PPP2R3A: variants seen among roughly 807,000 people sequenced by gnomAD.
PPP2R3A encodes the protein serine/threonine-protein phosphatase 2A regulatory subunit B'' subunit alpha.
Under a neutral mutation model 106.9 loss-of-function variants are expected in PPP2R3A, and 80 were observed. That is an observed-to-expected ratio of 0.75 (90% confidence interval 0.62 to 0.90). The LOEUF is 0.90. PPP2R3A is among the 40% of genes least tolerant of loss of function. The pLI is 0.00. For missense variants in PPP2R3A, 1,386 were observed against 1,350.4 expected (o/e 1.03, Z -0.41); for synonymous variants, 483 against 468.3 (o/e 1.03, Z -0.41).
chr3:136,045,506 T>C (rs1461895043), intron 4 of PPP2R3A, among the ~76,000 whole-genome samples: 1 of 152,194 alleles, frequency 6.6e-6, no homozygotes, highest in Non-Finnish European at 1.5e-5. Context: ...CCTGGCAGTC[T>C]GGAACACCTA....
At chr3:136,076,286 A>G (rs1264958855) in intron 6 of PPP2R3A, among the ~76,000 whole-genome samples, 1 of 150,920 alleles carries the variant, frequency 6.6e-6, no homozygotes, top group Non-Finnish European at 1.5e-5. Flanking sequence ...TCTTCCGCCC[A>G]ATAGCCACTC....
At position 136,147,606 on chromosome 3, in the gene PPP2R3A, T is replaced by C. The variant is rs1400111639; in HGVS notation, c.*2440T>C. The C allele has an allele frequency of 6.6e-6, 1 of 152,562 alleles. No homozygotes were observed. Among genetic ancestry groups the C allele is most frequent in the Non-Finnish European group, 1.5e-5 (1 of 67,952 alleles). The allele number at this position is 152,562 out of a possible 1,614,324, so 9.5% of individuals were successfully genotyped here. A position where few individuals can be genotyped will look rare whatever the true frequency, so the allele number is the denominator to read the frequency against. On this transcript the variant is annotated 3_prime_UTR_variant, in exon 14 of 14. Transcript: ENST00000264977. ...CTGCCAAACTGGAATTTTCAAGTTATTATAATATCCCAGGCCCCTTGATAA... is the reference window on the plus strand; with the variant it reads ...CTGCCAAACTGGAATTTTCAAGTTACTATAATATCCCAGGCCCCTTGATAA...
At chr3:136,068,062 T>TA (rs1158967027) in intron 5 of PPP2R3A, among the ~76,000 whole-genome samples, 2 of 150,712 alleles carry the variant, frequency 1.3e-5, no homozygotes, top group Admixed American at 6.6e-5. Context: ...CCATCTCTAC[T>TA]AAAAAACAAA....
At chr3:136,144,969 G>T in intron 13 of PPP2R3A, 74 bp from the exon 14 acceptor site, 1 of 1,518,900 alleles carries the variant, frequency 6.6e-7, no homozygotes, top group South Asian at 1.2e-5. Context: ...CTTGAGGCTC[G>T]GATTTGCCAT....
At chr3:136,087,970 C>T (rs766593476) in intron 9 of PPP2R3A, 39 bp downstream of exon 9, 1 of 1,506,248 alleles carries the variant, frequency 6.6e-7, no homozygotes, top group East Asian at 2.3e-5. Context: ...AAATGAACTA[C>T]AAGTAATACC....
At chr3:136,144,213 G>A (rs757326088) in intron 13 of PPP2R3A, among the ~76,000 whole-genome samples, 10 of 152,202 alleles carry the variant, frequency 6.6e-5, no homozygotes, top group Non-Finnish European at 1.3e-4. Context: ...CCCAGGATGA[G>A]TATCCAGGTC....
At position 136,094,133 on chromosome 3, in the gene PPP2R3A, G is replaced by T. The variant is rs1393238586; in HGVS notation, c.2927+3466G>T. On this transcript the variant is annotated intron_variant, in intron 10 of 13. Coordinates refer to ENST00000264977, the MANE Select transcript of PPP2R3A (RefSeq NM_002718.5). ...AGTCACAAGACACCACATACTGTAT[G>T]AATTCATTTATATGAGTTGTCCAGA... 3.9e-5 allele frequency among the ~76,000 whole-genome samples: 6 copies of T among 152,312 alleles called. No homozygotes were observed. The East Asian group carries it at 1.2e-3, about 29-fold the overall frequency.
At chr3:136,082,666 G>C (rs941201791) in intron 8 of PPP2R3A, among the ~76,000 whole-genome samples, 1 of 152,192 alleles carries the variant, frequency 6.6e-6, no homozygotes, top group Non-Finnish European at 1.5e-5. Flanking sequence ...TTGATAAAGC[G>C]ATGAGTCTTT....
intron 1 of PPP2R3A, among the ~76,000 whole-genome samples, chr3:135,996,618 A>G (rs1458050576): frequency 6.6e-6 from 1 of 152,228 alleles, no homozygotes; most frequent in Non-Finnish European, 1.5e-5. Context: ...GATCAGCATT[A>G]TTTAATCAAT....
At chr3:136,129,565 C>A (rs1244019413) in intron 13 of PPP2R3A, among the ~76,000 whole-genome samples, 1 of 152,154 alleles carries the variant, frequency 6.6e-6, no homozygotes, top group Non-Finnish European at 1.5e-5. Context: ...CAGACAGATT[C>A]ACAGCCAAAT....
chr3:136,003,932 C>A (rs747544414), intron 2 of PPP2R3A, among the ~76,000 whole-genome samples: 1 of 152,044 alleles, frequency 6.6e-6, no homozygotes, highest in Non-Finnish European at 1.5e-5. Context: ...CCTGTGTAGA[C>A]CTGTGTAAGG....
intron 1 of PPP2R3A, 60 bp from the exon 2 acceptor site, chr3:136,000,999 G>T: frequency 2.5e-6 from 1 of 395,158 alleles, no homozygotes; most frequent in South Asian, 1.3e-4. Context: ...TGCAAAGAAA[G>T]AGGAAATCAA....
Position 136,087,245 on chromosome 3 carries a change from G to GTCTCTCTCTCTCTC in PPP2R3A, c.2789-597_2789-584dup, listed in dbSNP as rs34566151. On this transcript the variant is annotated intron_variant, in intron 8 of 13. Transcript: ENST00000264977. ...AATGAAAGAACAGGTCTCTAGTCGT[G>GTCTCTCTCTCTCTC]TCTCTCTCTCTCTCTCTCTCTCTCT... is the stretch of plus-strand genomic sequence containing the variant. Among the ~76,000 whole-genome samples, 553 of 75,096 alleles carry GTCTCTCTCTCTCTC rather than the reference G, an allele frequency of 7.4e-3. 39 individuals carry two copies. Among genetic ancestry groups the GTCTCTCTCTCTCTC allele is most frequent in the East Asian group, 0.024 (42 of 1,770 alleles). The allele number at this position is 75,096 out of a possible 152,430, so 49.3% of individuals were successfully genotyped here.
At chr3:136,137,447 T>G (rs944141129) in intron 13 of PPP2R3A, among the ~76,000 whole-genome samples, 1 of 151,760 alleles carries the variant, frequency 6.6e-6, no homozygotes, top group African/African-American at 2.4e-5. Context: ...ATTGGACATT[T>G]GGGCAGATTA....
At chr3:136,057,071 C>CA (rs1233918597) in intron 5 of PPP2R3A, among the ~76,000 whole-genome samples, 3 of 135,494 alleles carry the variant, frequency 2.2e-5, no homozygotes, top group Non-Finnish European at 3.3e-5. Flanking sequence ...GAAAGAGGAC[C>CA]CCCCCCACAC....
chr3:136,045,962 T>C (rs1420245837), intron 4 of PPP2R3A, among the ~76,000 whole-genome samples: 1 of 151,988 alleles, frequency 6.6e-6, no homozygotes, highest in Admixed American at 6.6e-5. Context: ...GGCAGTAAGA[T>C]TGCATGAGCC....
chr3:136,059,958 A>G (rs1559895423), intron 5 of PPP2R3A, among the ~76,000 whole-genome samples: 1 of 152,190 alleles, frequency 6.6e-6, no homozygotes. Context: ...AGAGGGAAAC[A>G]ACAGACACTG....
intron 1 of PPP2R3A, among the ~76,000 whole-genome samples, chr3:136,000,088 T>C (rs953105046): frequency 6.6e-6 from 1 of 152,202 alleles, no homozygotes; most frequent in African/African-American, 2.4e-5. Context: ...TCCTCTAGTC[T>C]TTCAGGTCTC....
intron 2 of PPP2R3A, among the ~76,000 whole-genome samples, chr3:136,020,082 A>G (rs995872228): frequency 1.3e-5 from 2 of 152,076 alleles, no homozygotes; most frequent in African/African-American, 2.4e-5. Flanking sequence ...ATAAGTGATT[A>G]TATATAAAAA....
Sources: allele counts gnomAD v4.1 joint callset (sites outside exome capture counted in the v4.1 genomes callset), GRCh38; gene constraint gnomAD v4.1.1; transcripts MANE v1.5; gene names NCBI Gene and HGNC (gene_info 2026-07-23, HGNC 2026-07-21).